Variants in ARB2A observed in about 807,000 individuals in gnomAD.
ARB2A encodes the protein cotranscriptional regulator ARB2A.
At chr5:94,053,178 C>A in the ARB2A span, 3 of 1,597,900 alleles carry the variant, frequency 1.9e-6, no homozygotes, top group Non-Finnish European at 2.6e-6. Flanking sequence ...AATCAAGAGG[C>A]GGTTCATCTT....
chr5:93,759,219 A>T, the ARB2A span, among the ~76,000 whole-genome samples: 14 of 152,186 alleles, frequency 9.2e-5, no homozygotes, highest in Non-Finnish European at 1.5e-5. Flanking sequence ...TACCCTGAAC[A>T]GACCAATAAC....
At chr5:93,750,116 T>C in the ARB2A span, among the ~76,000 whole-genome samples, 1 of 152,194 alleles carries the variant, frequency 6.6e-6, no homozygotes, top group Non-Finnish European at 1.5e-5. Flanking sequence ...AATACATCTT[T>C]GTGTAATTCA....
chr5:93,960,338 T>C, the ARB2A span, among the ~76,000 whole-genome samples: 2 of 152,100 alleles, frequency 1.3e-5, no homozygotes, highest in African/African-American at 4.8e-5. Context: ...ACTACCACTT[T>C]TAAAATTCCA....
chr5:94,033,624 C>G, the ARB2A span, among the ~76,000 whole-genome samples: 3 of 152,130 alleles, frequency 2.0e-5, no homozygotes, highest in Non-Finnish European at 4.4e-5. Flanking sequence ...GGGGTTTCAC[C>G]ATGTTGGCCA....
chr5:94,038,223 T>C, the ARB2A span, among the ~76,000 whole-genome samples: 1 of 152,082 alleles, frequency 6.6e-6, no homozygotes, highest in South Asian at 2.1e-4. Context: ...ATTTCACAAG[T>C]TACATGCTGT....
the ARB2A span, among the ~76,000 whole-genome samples, chr5:93,828,600 A>G: frequency 6.6e-6 from 1 of 152,160 alleles, no homozygotes; most frequent in Non-Finnish European, 1.5e-5. Context: ...CCTAGCCTCA[A>G]CAATCTCTAG....
chr5:93,717,173 GA>G, the ARB2A span, among the ~76,000 whole-genome samples: 3 of 152,014 alleles, frequency 2.0e-5, no homozygotes, highest in Non-Finnish European at 4.4e-5. Context: ...ATAACACAAA[GA>G]AAAAAATCCC....
At chr5:93,620,191 C>T in the ARB2A span, 17 of 152,174 alleles carry the variant, frequency 1.1e-4, no homozygotes, top group African/African-American at 4.1e-4. Context: ...GAAAATGGGA[C>T]CTTCACACCT....
the ARB2A span, chr5:93,910,614 T>G: frequency 1.3e-5 from 2 of 151,392 alleles, no homozygotes; most frequent in Admixed American, 1.3e-4. Flanking sequence ...AAGACATATC[T>G]GACCTGATCC....
chr5:93,971,544 G>C, the ARB2A span, among the ~76,000 whole-genome samples: 1 of 146,436 alleles, frequency 6.8e-6, no homozygotes, highest in South Asian at 2.1e-4. Context: ...TCCAGCCTGG[G>C]CAATGAGAAC....
the ARB2A span, chr5:93,737,800 T>G: frequency 2.8e-6 from 1 of 356,342 alleles, no homozygotes. Context: ...AAGAATGAAG[T>G]TGGGCACTTA....
the ARB2A span, among the ~76,000 whole-genome samples, chr5:93,625,814 T>C: frequency 5.3e-5 from 8 of 152,206 alleles, no homozygotes; most frequent in Non-Finnish European, 1.0e-4. Context: ...ATTCATGTAA[T>C]AGCATTTAGA....
the ARB2A span, among the ~76,000 whole-genome samples, chr5:93,803,692 T>C: frequency 5.6e-5 from 8 of 143,634 alleles, no homozygotes; most frequent in African/African-American, 1.8e-4. Flanking sequence ...AACCTGCATA[T>C]GTATTCCTGA....
chr5:94,010,653 T>C, the ARB2A span, among the ~76,000 whole-genome samples: 1 of 152,144 alleles, frequency 6.6e-6, no homozygotes, highest in Non-Finnish European at 1.5e-5. Context: ...TTACAGTCTA[T>C]ATAAATCTAA....
At chr5:93,771,058 T>C in the ARB2A span, among the ~76,000 whole-genome samples, 2 of 152,108 alleles carry the variant, frequency 1.3e-5, no homozygotes, top group East Asian at 3.8e-4. Flanking sequence ...CAAACTATAC[T>C]ACAAGGCTAC....
the ARB2A span, among the ~76,000 whole-genome samples, chr5:93,803,728 A>G: frequency 4.6e-5 from 7 of 151,394 alleles, no homozygotes; most frequent in East Asian, 1.9e-4. Flanking sequence ...AAAAAAAAAA[A>G]AGAGAAAAGC....
the ARB2A span, among the ~76,000 whole-genome samples, chr5:93,717,031 G>C: frequency 6.6e-6 from 1 of 152,018 alleles, no homozygotes; most frequent in East Asian, 1.9e-4. Flanking sequence ...TTAGATCAAA[G>C]AATGTATACT....
At chr5:93,866,523 A>G in the ARB2A span, among the ~76,000 whole-genome samples, 1 of 152,200 alleles carries the variant, frequency 6.6e-6, no homozygotes, top group Non-Finnish European at 1.5e-5. Context: ...ATGAATGGAG[A>G]GAAAAAAACA....
At chr5:93,891,430 T>C in the ARB2A span, among the ~76,000 whole-genome samples, 1 of 151,996 alleles carries the variant, frequency 6.6e-6, no homozygotes, top group Non-Finnish European at 1.5e-5. Context: ...ATTCACATAA[T>C]CATAAAGACC....
Sources: gnomAD v4.1 joint callset for allele counts (sites outside exome capture counted in the v4.1 genomes callset) on GRCh38, gnomAD v4.1.1 for gene constraint, MANE v1.5 for transcripts, NCBI Gene and HGNC (gene_info 2026-07-23, HGNC 2026-07-21) for gene names.